Variants in FBXL20 observed in about 807,000 individuals in gnomAD.
FBXL20 encodes F-box and leucine rich repeat protein 20.
Under a neutral mutation model 64.0 loss-of-function variants are expected in FBXL20, and 11 were observed. The observed-to-expected ratio is 0.17, with a 90% confidence interval of 0.11 to 0.28. The LOEUF (loss-of-function observed/expected upper bound fraction) is 0.28. FBXL20 is among the 10% of genes least tolerant of loss of function. The pLI, the probability that FBXL20 is intolerant of heterozygous loss-of-function variation, is 1.00. For missense variants in FBXL20, 303 were observed against 526.2 expected, an observed-to-expected ratio of 0.58 and a Z score of 4.15; for synonymous variants, 184 against 189.0, an observed-to-expected ratio of 0.97 and a Z score of 0.22.
chr17:39,366,118 C>T (rs1567897852), intron 1 of FBXL20, among the ~76,000 whole-genome samples: 1 of 152,056 alleles, frequency 6.6e-6, no homozygotes, highest in Non-Finnish European at 1.5e-5. Context: ...GCTGAAATTA[C>T]AGTACATGCC....
At chr17:39,330,273 G>C (rs2047447882) in intron 2 of FBXL20, among the ~76,000 whole-genome samples, 1 of 151,006 alleles carries the variant, frequency 6.6e-6, no homozygotes, top group African/African-American at 2.4e-5. Context: ...CTCCAGCCTG[G>C]GCAACAGAGC....
intron 1 of FBXL20, among the ~76,000 whole-genome samples, chr17:39,382,599 G>C (rs1443459155): frequency 6.6e-6 from 1 of 152,162 alleles, no homozygotes; most frequent in Non-Finnish European, 1.5e-5. Context: ...TCAGGAAGCT[G>C]ATGTGGGAGG....
intron 1 of FBXL20, among the ~76,000 whole-genome samples, chr17:39,347,613 G>A (rs1470189930): frequency 1.3e-5 from 2 of 152,178 alleles, no homozygotes; most frequent in African/African-American, 4.8e-5. Context: ...TGGGAAGATT[G>A]TAAAAATTTT....
At chr17:39,265,303 T>C (rs1295586671) in intron 13 of FBXL20, 94 bp downstream of exon 13, 1 of 924,652 alleles carries the variant, frequency 1.1e-6, no homozygotes, top group South Asian at 1.6e-5. Context: ...TTTCCTAAAA[T>C]GGTAGCCAGA....
At chr17:39,326,895 T>G (rs1410774258) in intron 2 of FBXL20, among the ~76,000 whole-genome samples, 3 of 151,152 alleles carry the variant, frequency 2.0e-5, no homozygotes, top group Non-Finnish European at 4.4e-5. Flanking sequence ...TTTTTTTTTT[T>G]TTTTGAAACA....
intron 6 of FBXL20, among the ~76,000 whole-genome samples, chr17:39,295,485 C>T (rs2144428105): frequency 6.6e-6 from 1 of 152,078 alleles, no homozygotes; most frequent in South Asian, 2.1e-4. Flanking sequence ...GAACCCCTGA[C>T]CTCAAGTTAT....
rs886489298 is a variant in FBXL20, at chr17:39,401,534, G to A, written c.-132C>T. On this transcript the variant is annotated 5_prime_UTR_variant, in exon 1 of 15. Coordinates refer to ENST00000264658, the MANE Select transcript of FBXL20 (RefSeq NM_032875.3). ...GGGTGACGCCGGGACCGTGGGACGG[G>A]AACAAGAGACCTCTCGGCTCCGGCT... The A allele has an allele frequency of 1.4e-6, 2 of 1,440,350 alleles. No individual in the cohort carries two copies. Among genetic ancestry groups the A allele is most frequent in the Admixed American group, 2.8e-5 (1 of 35,388 alleles). The allele number at this position is 1,440,350 out of a possible 1,614,324, so 89.2% of individuals were successfully genotyped here. A position where few individuals can be genotyped will look rare whatever the true frequency, so the allele number is the denominator to read the frequency against.
chr17:39,293,512 C>T (rs921148600), intron 6 of FBXL20, among the ~76,000 whole-genome samples: 16 of 152,124 alleles, frequency 1.1e-4, no homozygotes, highest in Admixed American at 1.0e-3. Context: ...CGTGAGCCAC[C>T]ATGCCCGGCC....
chr17:39,282,843 T>C lies in FBXL20; in HGVS notation c.507A>G (p.Pro169=), dbSNP rs759661601. 2.5e-6 allele frequency: 4 copies of C among 1,614,116 alleles called. No individual in the cohort carries two copies. Among genetic ancestry groups the C allele is most frequent in the South Asian group, 1.1e-5 (1 of 91,072 alleles). ...MSLKALSEGC[P]LLEQLNISWC... The stretch of plus-strand genomic sequence containing the variant: ...AGGAAATGTTCAACTGCTCCAACAG[T>C]GGACATCCCTCACTTAGGATAAAAC... The change falls in exon 8 of 15, where the codon CCA becomes CCG. Residue 169 remains proline, a synonymous_variant. Transcript: ENST00000264658.
chr17:39,260,509 T>C lies in FBXL20; in HGVS notation c.*951A>G, dbSNP rs1212953624. The C allele has an allele frequency of 6.6e-6, 1 of 152,154 alleles. No individual in the cohort carries two copies. Among genetic ancestry groups the C allele is most frequent in the East Asian group, 1.9e-4 (1 of 5,298 alleles). 9.4% of individuals were successfully genotyped at this position (152,154 alleles called of 1,614,324 possible). A position where few individuals can be genotyped will look rare whatever the true frequency, so the allele number is the denominator to read the frequency against. On this transcript the variant is annotated 3_prime_UTR_variant, in exon 15 of 15. Coordinates refer to ENST00000264658, the MANE Select transcript of FBXL20 (RefSeq NM_032875.3). ...GTAGCATCTGTTTTCATCAAAACAGTTTCTTCTCATAACTTTTCTTGCTTT... is the reference window on the plus strand; with the variant it reads ...GTAGCATCTGTTTTCATCAAAACAGCTTCTTCTCATAACTTTTCTTGCTTT...
At chr17:39,342,615 G>T (rs533885537) in intron 2 of FBXL20, among the ~76,000 whole-genome samples, 1 of 152,312 alleles carries the variant, frequency 6.6e-6, no homozygotes, top group East Asian at 1.9e-4. Flanking sequence ...GACTCGGGAG[G>T]CTGAGGCAGG....
chr17:39,268,690 C>T, intron 12 of FBXL20, 137 bp downstream of exon 12: 1 of 668,006 alleles, frequency 1.5e-6, no homozygotes. Flanking sequence ...TGGAAGATAC[C>T]TTACTTAATG....
At chr17:39,396,738 G>C (rs561107628) in intron 1 of FBXL20, among the ~76,000 whole-genome samples, 1 of 151,866 alleles carries the variant, frequency 6.6e-6, no homozygotes, top group Non-Finnish European at 1.5e-5. Flanking sequence ...GGCGGATCGC[G>C]AGGTTAGGAG....
Position 39,365,091 on chromosome 17 carries a change from G to A in FBXL20, c.43-21850C>T, listed in dbSNP as rs149867133. Among the ~76,000 whole-genome samples, 14 of 152,192 alleles carry A rather than the reference G, an allele frequency of 9.2e-5. 1 individual carries two copies. In the East Asian group the frequency reaches 2.7e-3, roughly 29 times the overall value. On this transcript the variant is annotated intron_variant, in intron 1 of 14. Transcript: ENST00000264658. ...AACATACAAAGGTAGCCCAATACAG[G>A]TCAAATCTTTTGGTGGTAGGAAAAT...
chr17:39,401,655 A>C, upstream of FBXL20: 6 of 1,247,642 alleles, frequency 4.8e-6, no homozygotes, highest in Non-Finnish European at 4.0e-6. Flanking sequence ...CAAAACAAAA[A>C]CACTCCCCAC....
intron 1 of FBXL20, among the ~76,000 whole-genome samples, chr17:39,366,120 G>A (rs1003043046): frequency 1.3e-5 from 2 of 152,016 alleles, no homozygotes; most frequent in African/African-American, 4.8e-5. Context: ...TGAAATTACA[G>A]TACATGCCAC....
chr17:39,337,914 G>C (rs12019852), intron 2 of FBXL20, among the ~76,000 whole-genome samples: 4 of 150,468 alleles, frequency 2.7e-5, no homozygotes, highest in Non-Finnish European at 5.9e-5. Flanking sequence ...GGAGGGAGGT[G>C]GGGGGGTCAG....
chr17:39,262,931 G>A (rs903585290), intron 14 of FBXL20, among the ~76,000 whole-genome samples: 1 of 151,974 alleles, frequency 6.6e-6, no homozygotes, highest in Non-Finnish European at 1.5e-5. Flanking sequence ...GAACCTGGGA[G>A]GCAGAGCTTG....
intron 9 of FBXL20, 47 bp from the exon 10 acceptor site, chr17:39,275,147 A>G (rs2046878689): frequency 6.4e-7 from 1 of 1,550,788 alleles, no homozygotes; most frequent in Non-Finnish European, 8.7e-7. Context: ...TATCTTAGCA[A>G]AACAAAAAAA....
Sources: gnomAD v4.1 joint callset for allele counts (sites outside exome capture counted in the v4.1 genomes callset) on GRCh38, gnomAD v4.1.1 for gene constraint, MANE v1.5 for transcripts, NCBI Gene and HGNC (gene_info 2026-07-23, HGNC 2026-07-21) for gene names.